Variants in SEMA3D observed in about 807,000 individuals in gnomAD.
The protein encoded by SEMA3D is semaphorin-3D.
A neutral mutation model predicts 100.1 loss-of-function variants in SEMA3D; 84 were observed. That is an observed-to-expected ratio of 0.84 (90% CI 0.70 to 1.01). SEMA3D has a LOEUF of 1.01. Among genes scored for constraint, SEMA3D ranks in the 50% least tolerant of loss-of-function variants. The pLI, the probability that SEMA3D is intolerant of heterozygous loss-of-function variation, is 0.00. For synonymous variants in SEMA3D, 312 were observed against 320.7 expected, an observed-to-expected ratio of 0.97 and a Z score of 0.29; for missense variants, 875 against 934.1, an observed-to-expected ratio of 0.94 and a Z score of 0.82.
chr7:85,049,280 C>A (rs1416910740), intron 9 of SEMA3D, among the ~76,000 whole-genome samples: 2 of 151,124 alleles, frequency 1.3e-5, no homozygotes, highest in Non-Finnish European at 3.0e-5. Flanking sequence ...GAAAAATACA[C>A]CTAGTATTTA....
intron 11 of SEMA3D, 71 bp downstream of exon 11, chr7:85,040,602 A>G: frequency 1.3e-6 from 1 of 793,286 alleles, no homozygotes. Context: ...GGACAAAAAG[A>G]TCCTATAACT....
chr7:85,085,720 T>TA (rs1788195798), intron 4 of SEMA3D, among the ~76,000 whole-genome samples: 1 of 152,184 alleles, frequency 6.6e-6, no homozygotes, highest in Non-Finnish European at 1.5e-5. Flanking sequence ...TCCTCTGTTT[T>TA]AAAGTACTTG....
chr7:85,010,628 C>T (rs911795062), intron 17 of SEMA3D, among the ~76,000 whole-genome samples: 1 of 151,812 alleles, frequency 6.6e-6, no homozygotes, highest in Non-Finnish European at 1.5e-5. Context: ...TGCTTTTTGA[C>T]ATAAGTAGCT....
chr7:85,092,349 A>G (rs935226051), intron 4 of SEMA3D, among the ~76,000 whole-genome samples: 2 of 152,064 alleles, frequency 1.3e-5, no homozygotes, highest in Non-Finnish European at 2.9e-5. Flanking sequence ...CTATTACAAT[A>G]TGCTTAGTGC....
At chr7:85,195,693 G>A in the SEMA3D span, among the ~76,000 whole-genome samples, 2 of 152,200 alleles carry the variant, frequency 1.3e-5, no homozygotes, top group African/African-American at 4.8e-5. Flanking sequence ...ATATAGCCCT[G>A]AGTAGGGATA....
intron 2 of SEMA3D, among the ~76,000 whole-genome samples, chr7:85,125,326 T>A (rs1235199899): frequency 6.6e-6 from 1 of 152,106 alleles, no homozygotes; most frequent in East Asian, 1.9e-4. Context: ...GGCCCTTGGC[T>A]ATGCATTGAG....
intron 9 of SEMA3D, among the ~76,000 whole-genome samples, chr7:85,055,445 T>G (rs975214260): frequency 5.3e-5 from 8 of 151,918 alleles, no homozygotes; most frequent in African/African-American, 1.9e-4. Context: ...GTTCAGGCAC[T>G]GTTGGAAAAA....
At chr7:85,127,927 T>G (rs1234948163) in intron 2 of SEMA3D, among the ~76,000 whole-genome samples, 2 of 152,160 alleles carry the variant, frequency 1.3e-5, no homozygotes, top group East Asian at 3.9e-4. Flanking sequence ...TGTAGAACAT[T>G]TTGTCAACTT....
At chr7:85,097,991 A>AGGTC (rs761393020) in intron 3 of SEMA3D, 26 bp from the exon 4 acceptor site, 1 of 1,315,690 alleles carries the variant, frequency 7.6e-7, no homozygotes, top group Non-Finnish European at 1.0e-6. Flanking sequence ...AAAGAAAAGA[A>AGGTC]AGGAGAAAGA....
At chr7:85,227,894 C>A in the SEMA3D span, among the ~76,000 whole-genome samples, 3 of 151,926 alleles carry the variant, frequency 2.0e-5, no homozygotes, top group Non-Finnish European at 4.4e-5. Flanking sequence ...TTTTCCATGG[C>A]GAATCACAAT....
At chr7:85,072,485 T>C (rs1791802083) in intron 6 of SEMA3D, among the ~76,000 whole-genome samples, 1 of 152,164 alleles carries the variant, frequency 6.6e-6, no homozygotes, top group African/African-American at 2.4e-5. Context: ...CAACATACTA[T>C]GTATATCTAG....
chr7:85,084,377 A>T (rs1788158392), intron 4 of SEMA3D, among the ~76,000 whole-genome samples: 1 of 152,162 alleles, frequency 6.6e-6, no homozygotes. Context: ...AATCTCTAGA[A>T]CTTTTTCATC....
chr7:85,148,531 A>G (rs1790278761), intron 2 of SEMA3D, among the ~76,000 whole-genome samples: 1 of 152,198 alleles, frequency 6.6e-6, no homozygotes, highest in South Asian at 2.1e-4. Context: ...AACAATGTTT[A>G]TATAGTTAAC....
chr7:85,153,013 A>T (rs1430686552), intron 2 of SEMA3D, among the ~76,000 whole-genome samples: 1 of 152,092 alleles, frequency 6.6e-6, no homozygotes, highest in Admixed American at 6.6e-5. Context: ...ACCTAATGGC[A>T]ATGTTATAAT....
At chr7:85,057,648 T>C (rs1343645026) in intron 8 of SEMA3D, among the ~76,000 whole-genome samples, 1 of 152,116 alleles carries the variant, frequency 6.6e-6, no homozygotes, top group African/African-American at 2.4e-5. Flanking sequence ...AAGTTAATGT[T>C]GGGGCTGGGT....
chr7:85,039,961 C>T (rs1013806612), intron 11 of SEMA3D, among the ~76,000 whole-genome samples: 4 of 149,726 alleles, frequency 2.7e-5, no homozygotes, highest in African/African-American at 7.4e-5. Context: ...TTAATATATA[C>T]GCAAACACTT....
At chr7:85,149,454 T>C (rs1048196456) in intron 2 of SEMA3D, among the ~76,000 whole-genome samples, 2 of 151,634 alleles carry the variant, frequency 1.3e-5, no homozygotes, top group African/African-American at 4.9e-5. Context: ...TCTCAAAAAA[T>C]AAATAAACAG....
chr7:85,109,191 C>T (rs1268390574), intron 3 of SEMA3D, among the ~76,000 whole-genome samples: 3 of 151,618 alleles, frequency 2.0e-5, no homozygotes, highest in Non-Finnish European at 2.9e-5. Flanking sequence ...TAATTTGATC[C>T]CCAAGAAGAA....
intron 2 of SEMA3D, among the ~76,000 whole-genome samples, chr7:85,132,350 G>T (rs926181431): frequency 6.6e-6 from 1 of 151,892 alleles, no homozygotes; most frequent in Non-Finnish European, 1.5e-5. Context: ...TATTGAGATT[G>T]AATTAGGTTT....
Sources: gnomAD v4.1 joint callset for allele counts (sites outside exome capture counted in the v4.1 genomes callset) on GRCh38, gnomAD v4.1.1 for gene constraint, MANE v1.5 for transcripts, NCBI Gene and HGNC (gene_info 2026-07-23, HGNC 2026-07-21) for gene names.